SP140L: variants seen among roughly 807,000 people sequenced by gnomAD.
The protein encoded by SP140L is SP140 like nuclear body protein.
In SP140L, 64 loss-of-function variants were observed where a neutral mutation model predicts 84.3. The observed-to-expected ratio is 0.76, with a 90% CI of 0.62 to 0.94. The LOEUF (loss-of-function observed/expected upper bound fraction) is 0.94, where lower values mean the gene tolerates loss of function less well. SP140L is among the 40% of genes least tolerant of loss of function. The probability of loss-of-function intolerance (pLI) is 0.00; values close to 1 mark genes in which losing one functional copy is unlikely to be tolerated. For missense variants in SP140L, 628 were observed against 692.5 expected (o/e 0.91, Z 1.05); for synonymous variants, 242 against 236.9 (o/e 1.02, Z -0.20).
At chr2:230,362,611 C>T (rs2149742786) in intron 5 of SP140L, among the ~76,000 whole-genome samples, 1 of 139,636 alleles carries the variant, frequency 7.2e-6, no homozygotes, top group South Asian at 2.4e-4. Flanking sequence ...ATTAACAGCT[C>T]ACTTTGATTA....
intron 11 of SP140L, 42 bp from the exon 12 acceptor site, chr2:230,392,045 G>T: frequency 6.2e-7 from 1 of 1,611,330 alleles, no homozygotes; most frequent in Non-Finnish European, 8.5e-7. Context: ...CTGAGCGCTG[G>T]GAACAAAGAG....
In SP140L at chr2:230,334,713, A is replaced by G. The variant is rs546672586; in HGVS notation, c.107+5882A>G. Among the ~76,000 whole-genome samples, 4 of 151,552 alleles carry G rather than the reference A, an allele frequency of 2.6e-5. No individual in the cohort carries two copies. In the South Asian group the frequency reaches 8.4e-4, roughly 32 times the overall value. On this transcript the variant is annotated intron_variant, in intron 2 of 18. Transcript: ENST00000415673. ...AATAATTGAGGGTGATTAAAATTATATGTATATATATATATATAAATGGTT... is the reference window on the plus strand; with the variant it reads ...AATAATTGAGGGTGATTAAAATTATGTGTATATATATATATATAAATGGTT...
rs987437315 is a variant in SP140L at position 230,370,890 on chromosome 2, A to G, written c.524-18A>G. ...GCATGTGAAAATGAGAAGTGTTCCTATGTCATGTGTTTCTCAGGAGAAGTG... is the reference window on the plus strand; with the variant it reads ...GCATGTGAAAATGAGAAGTGTTCCTGTGTCATGTGTTTCTCAGGAGAAGTG... On this transcript the variant is annotated intron_variant, in intron 5 of 18. Transcript: ENST00000415673. 4.3e-6 allele frequency: 7 copies of G among 1,612,202 alleles called. No homozygotes were observed. The highest frequency in any genetic ancestry group is 5.1e-6 in the Non-Finnish European group (6 of 1,178,888).
intron 14 of SP140L, among the ~76,000 whole-genome samples, chr2:230,397,928 G>C (rs906748325): frequency 3.3e-5 from 5 of 152,160 alleles, no homozygotes; most frequent in Non-Finnish European, 5.9e-5. Flanking sequence ...GTGGGAAAAA[G>C]AGGAAAACAG....
intron 5 of SP140L, among the ~76,000 whole-genome samples, chr2:230,366,877 C>G (rs983186010): frequency 1.3e-5 from 2 of 151,830 alleles, no homozygotes; most frequent in African/African-American, 4.8e-5. Flanking sequence ...GGACTACAGG[C>G]GCATGCCACC....
At chr2:230,393,498 A>G in intron 13 of SP140L, 37 bp downstream of exon 13, 1 of 1,540,478 alleles carries the variant, frequency 6.5e-7, no homozygotes, top group South Asian at 1.3e-5. Flanking sequence ...TTCTTGTCAC[A>G]CAACAGATTT....
intron 9 of SP140L, among the ~76,000 whole-genome samples, chr2:230,387,595 C>A (rs1011558535): frequency 3.3e-5 from 5 of 152,092 alleles, no homozygotes; most frequent in African/African-American, 9.7e-5. Flanking sequence ...TTCCATGGGG[C>A]CTACATGACC....
intron 5 of SP140L, among the ~76,000 whole-genome samples, chr2:230,362,624 C>T (rs772713683): frequency 6.6e-6 from 1 of 152,028 alleles, no homozygotes; most frequent in East Asian, 1.9e-4. Flanking sequence ...TTTGATTAAA[C>T]GTCTATTCTA....
intron 4 of SP140L, among the ~76,000 whole-genome samples, chr2:230,360,075 C>T (rs893392897): frequency 3.3e-5 from 5 of 152,188 alleles, no homozygotes; most frequent in South Asian, 4.1e-4. Context: ...TTTTGTTTTA[C>T]TTGCCTGGAA....
At chr2:230,337,632 A>G (rs1157629718) in intron 2 of SP140L, among the ~76,000 whole-genome samples, 1 of 152,194 alleles carries the variant, frequency 6.6e-6, no homozygotes, top group African/African-American at 2.4e-5. Flanking sequence ...TTTTAGGTCT[A>G]ACATGTAAGT....
chr2:230,383,414 A>T (rs2061470960), intron 7 of SP140L, 96 bp from the exon 8 acceptor site: 1 of 1,347,570 alleles, frequency 7.4e-7, no homozygotes, highest in East Asian at 2.5e-5. Flanking sequence ...CCTGTGGACC[A>T]AAGTATGAAA....
chr2:230,383,932 T>C (rs995168257), intron 8 of SP140L, among the ~76,000 whole-genome samples: 7 of 152,094 alleles, frequency 4.6e-5, no homozygotes, highest in African/African-American at 1.7e-4. Flanking sequence ...AAAATATATA[T>C]ATACATATAT....
chr2:230,354,580 C>T (rs944444308), intron 2 of SP140L, among the ~76,000 whole-genome samples: 1 of 151,866 alleles, frequency 6.6e-6, no homozygotes, highest in Non-Finnish European at 1.5e-5. Context: ...CCAGCATAGG[C>T]CACAAAGCAA....
intron 2 of SP140L, among the ~76,000 whole-genome samples, chr2:230,347,153 G>A (rs2149706995): frequency 6.6e-6 from 1 of 152,302 alleles, no homozygotes; most frequent in Admixed American, 6.5e-5. Context: ...GTGCTCTGGT[G>A]TTTGCTGGGG....
intron 15 of SP140L, 136 bp downstream of exon 15, chr2:230,400,378 G>A (rs2062267448): frequency 1.2e-6 from 1 of 818,440 alleles, no homozygotes; most frequent in African/African-American, 1.7e-5. Context: ...CCAGCAGTGT[G>A]ATCCAGAGAG....
intron 7 of SP140L, among the ~76,000 whole-genome samples, chr2:230,375,552 A>G (rs2061217427): frequency 6.6e-6 from 1 of 151,998 alleles, no homozygotes; most frequent in Non-Finnish European, 1.5e-5. Context: ...CCTCACCTAT[A>G]CTTGTTATCT....
chr2:230,359,440 G>T (rs2060647014), intron 4 of SP140L, among the ~76,000 whole-genome samples: 1 of 152,176 alleles, frequency 6.6e-6, no homozygotes, highest in African/African-American at 2.4e-5. Flanking sequence ...CTTCTCTTTA[G>T]TGGGAGTTTT....
In SP140L at chr2:230,400,177, C is replaced by T. The variant is rs2062250591; in HGVS notation, c.1248C>T (p.Phe416=). 3.7e-6 allele frequency: 6 copies of T among 1,614,198 alleles called. 1 individual carries two copies. The East Asian group carries it at 1.3e-4, about 36-fold the overall frequency. The part of the protein sequence containing the change: ...CEVCRDGGEL[F]CCDTCSRVFH... Reference sequence around the variant, plus strand: ...TGTGCCGGGACGGAGGGGAGCTGTTCTGTTGCGACACTTGTTCAAGAGTCT... The same window carrying T: ...TGTGCCGGGACGGAGGGGAGCTGTTTTGTTGCGACACTTGTTCAAGAGTCT... Residue 416 remains phenylalanine (F), a synonymous_variant, in exon 15 of 19, where the codon TTC becomes TTT. Transcript: ENST00000415673.
At chr2:230,365,932 TA>T (rs1243909294) in intron 5 of SP140L, among the ~76,000 whole-genome samples, 1 of 152,164 alleles carries the variant, frequency 6.6e-6, no homozygotes, top group Non-Finnish European at 1.5e-5. Context: ...TTTACAAAAT[TA>T]AAAAACTCTT....
Sources: allele counts gnomAD v4.1 joint callset (sites outside exome capture counted in the v4.1 genomes callset), GRCh38; gene constraint gnomAD v4.1.1; transcripts MANE v1.5; gene names NCBI Gene and HGNC (gene_info 2026-07-23, HGNC 2026-07-21).